SLC24A3: variants seen among roughly 807,000 people sequenced by gnomAD.
SLC24A3 encodes the protein solute carrier family 24 member 3.
A neutral mutation model predicts 75.8 loss-of-function variants in SLC24A3; 28 were observed. The observed-to-expected ratio is 0.37, with a 90% CI of 0.27 to 0.51. The LOEUF (loss-of-function observed/expected upper bound fraction) is 0.51, where lower values mean the gene tolerates loss of function less well. SLC24A3 is among the 20% of genes least tolerant of loss of function. SLC24A3 has a pLI of 0.94. For synonymous variants in SLC24A3, 372 were observed against 334.1 expected (o/e 1.11, Z -1.24); for missense variants, 663 against 847.8 (o/e 0.78, Z 2.71).
At chr20:19,430,930 G>T (rs528945403) in intron 2 of SLC24A3, among the ~76,000 whole-genome samples, 1 of 152,178 alleles carries the variant, frequency 6.6e-6, no homozygotes, top group East Asian at 2.0e-4. Context: ...CTTTGAAGTT[G>T]TTGATGACTT....
rs79300526 is a variant in SLC24A3 at position 19,508,736 on chromosome 20, G to C, written c.272-6752G>C. Among the ~76,000 whole-genome samples, 493 of 152,358 alleles carry C rather than the reference G, an allele frequency of 3.2e-3. 2 individuals carry two copies. Among genetic ancestry groups the C allele is most frequent in the African/African-American group, 0.011 (462 of 41,586 alleles). On this transcript the variant is annotated intron_variant, in intron 2 of 16. Transcript: ENST00000328041. ...TGCACTGAAAGGAAAATTGGGGGAT[G>C]AAAGAGAGGAGCAGAAAGAGACTTT...
chr20:19,552,491 A>ATGGCCAAGATTCAT (rs1355482308), intron 3 of SLC24A3, among the ~76,000 whole-genome samples: 15 of 152,332 alleles, frequency 9.8e-5, no homozygotes, highest in African/African-American at 3.6e-4. Flanking sequence ...AGTTCAGAAA[A>ATGGCCAAGATTCAT]GTAAATGAAT....
chr20:19,526,644 C>T (rs1184168338), intron 3 of SLC24A3, among the ~76,000 whole-genome samples: 1 of 152,190 alleles, frequency 6.6e-6, no homozygotes, highest in Non-Finnish European at 1.5e-5. Flanking sequence ...ATCCTTCCTC[C>T]ATCTCCCCCA....
chr20:19,592,608 G>T (rs2031393557), intron 6 of SLC24A3, among the ~76,000 whole-genome samples: 1 of 152,056 alleles, frequency 6.6e-6, no homozygotes, highest in Admixed American at 6.5e-5. Flanking sequence ...GAAGAGAAAA[G>T]CAGGAACCTC....
intron 1 of SLC24A3, among the ~76,000 whole-genome samples, chr20:19,258,840 G>T (rs1378957940): frequency 6.6e-6 from 1 of 152,174 alleles, no homozygotes; most frequent in Non-Finnish European, 1.5e-5. Flanking sequence ...GGTCGATCAA[G>T]CACAAGATAA....
At chr20:19,327,235 C>A (rs938572023) in intron 2 of SLC24A3, among the ~76,000 whole-genome samples, 1 of 152,162 alleles carries the variant, frequency 6.6e-6, no homozygotes, top group African/African-American at 2.4e-5. Context: ...ACTGTTGACT[C>A]CCGTGTGTCC....
chr20:19,548,101 G>A (rs1444805907), intron 3 of SLC24A3, among the ~76,000 whole-genome samples: 1 of 152,212 alleles, frequency 6.6e-6, no homozygotes, highest in Admixed American at 6.5e-5. Flanking sequence ...TGAAGAATGT[G>A]GGCCTGGTAT....
At chr20:19,600,144 T>C (rs2031510068) in intron 6 of SLC24A3, among the ~76,000 whole-genome samples, 1 of 152,106 alleles carries the variant, frequency 6.6e-6, no homozygotes, top group African/African-American at 2.4e-5. Flanking sequence ...ACACGTGGCT[T>C]TCACCCAAAC....
At position 19,413,865 on chromosome 20, in the gene SLC24A3, G is replaced by A. The variant is rs141435999; in HGVS notation, c.272-101623G>A. Among the ~76,000 whole-genome samples, 18 of 152,278 alleles carry A rather than the reference G, an allele frequency of 1.2e-4. No homozygotes were observed. The East Asian group carries it at 3.5e-3, about 29-fold the overall frequency. ...ATTTCTCTTTATAATGTTATCTCAT[G>A]AGCAAAATCAACAGACAAGCATCAA... is the stretch of plus-strand genomic sequence containing the variant. On this transcript the variant is annotated intron_variant, in intron 2 of 16. Transcript: ENST00000328041.
intron 2 of SLC24A3, among the ~76,000 whole-genome samples, chr20:19,297,381 T>C (rs1984086839): frequency 6.6e-6 from 1 of 152,204 alleles, no homozygotes. Context: ...GTATAGGACA[T>C]ACCATCATCC....
At chr20:19,706,726 T>C (rs2032934342) in intron 15 of SLC24A3, among the ~76,000 whole-genome samples, 1 of 151,758 alleles carries the variant, frequency 6.6e-6, no homozygotes, top group African/African-American at 2.4e-5. Context: ...AGAGGTACGG[T>C]CATGTGTGCC....
intron 2 of SLC24A3, among the ~76,000 whole-genome samples, chr20:19,433,411 G>A (rs1356143795): frequency 6.6e-6 from 1 of 152,206 alleles, no homozygotes; most frequent in East Asian, 1.9e-4. Context: ...TTTGAATGAG[G>A]CAGTGACTAA....
At chr20:19,705,696 T>G (rs1464803856) in intron 15 of SLC24A3, among the ~76,000 whole-genome samples, 1 of 152,086 alleles carries the variant, frequency 6.6e-6, no homozygotes, top group Non-Finnish European at 1.5e-5. Flanking sequence ...CTGCCAACAA[T>G]TTTGAGCAAT....
chr20:19,285,450 C>T (rs1983788132), intron 2 of SLC24A3, among the ~76,000 whole-genome samples: 1 of 127,026 alleles, frequency 7.9e-6, no homozygotes, highest in South Asian at 2.7e-4. Context: ...TGCACTCCAG[C>T]CTGGGTGACA....
In SLC24A3 at chr20:19,215,874, T is replaced by C. The variant is rs1395861885; in HGVS notation, c.142+2890T>C. Among the ~76,000 whole-genome samples, 5 of 152,332 alleles carry C rather than the reference T, an allele frequency of 3.3e-5. No homozygotes were observed. The East Asian group carries it at 9.6e-4, about 29-fold the overall frequency. On this transcript the variant is annotated intron_variant, in intron 1 of 16. Coordinates refer to ENST00000328041, the MANE Select transcript of SLC24A3 (RefSeq NM_020689.4). ...TGGTTATATGCAGTAAGAATCTACA[T>C]TGATTCTTTTCTGCTGAGGTGTAAC...
intron 2 of SLC24A3, among the ~76,000 whole-genome samples, chr20:19,413,850 A>C (rs1986786027): frequency 6.6e-6 from 1 of 152,228 alleles, no homozygotes; most frequent in Non-Finnish European, 1.5e-5. Flanking sequence ...ATTTCTCTTT[A>C]TAATGTTATC....
chr20:19,262,244 AAC>A (rs1983012326), intron 1 of SLC24A3, among the ~76,000 whole-genome samples: 1 of 149,554 alleles, frequency 6.7e-6, no homozygotes, highest in Non-Finnish European at 1.5e-5. Flanking sequence ...TCTACTAAAA[AAC>A]ACAAAAAAAT....
At chr20:19,611,496 C>A (rs566107652) in intron 6 of SLC24A3, among the ~76,000 whole-genome samples, 21 of 152,314 alleles carry the variant, frequency 1.4e-4, no homozygotes, top group South Asian at 2.1e-4. Context: ...AGCCACTGGA[C>A]AAATGGATGG....
At chr20:19,394,627 C>G (rs1479205557) in intron 2 of SLC24A3, among the ~76,000 whole-genome samples, 1 of 152,144 alleles carries the variant, frequency 6.6e-6, no homozygotes, top group Admixed American at 6.5e-5. Flanking sequence ...TGTCACCAGT[C>G]ACTAGGGAAA....
Sources: gnomAD v4.1 joint callset for allele counts (sites outside exome capture counted in the v4.1 genomes callset) on GRCh38, gnomAD v4.1.1 for gene constraint, MANE v1.5 for transcripts, NCBI Gene and HGNC (gene_info 2026-07-23, HGNC 2026-07-21) for gene names.